The following DNAJC6 variants were observed in gnomAD, a reference collection of about 807,000 sequenced individuals.
The protein encoded by DNAJC6 is DnaJ heat shock protein family (Hsp40) member C6.
A neutral mutation model predicts 110.0 loss-of-function variants in DNAJC6; 34 were observed. The observed-to-expected ratio is 0.31, with a 90% CI of 0.24 to 0.41. The LOEUF (loss-of-function observed/expected upper bound fraction) is 0.41. DNAJC6 is among the 10% of genes least tolerant of loss of function. The pLI is 1.00. For missense variants in DNAJC6, 1,031 were observed against 1,207.8 expected (o/e 0.85, Z 2.17); for synonymous variants, 406 against 437.2 (o/e 0.93, Z 0.89).
chr1:65,272,223 A>G (rs1653529566), intron 1 of DNAJC6, among the ~76,000 whole-genome samples: 1 of 152,228 alleles, frequency 6.6e-6, no homozygotes, highest in Non-Finnish European at 1.5e-5. Flanking sequence ...TAGATTAAGG[A>G]AGTTACCTTC....
chr1:65,379,962 G>C (rs1463931118), intron 5 of DNAJC6, among the ~76,000 whole-genome samples: 1 of 152,176 alleles, frequency 6.6e-6, no homozygotes, highest in Non-Finnish European at 1.5e-5. Context: ...CTGTATTTTA[G>C]AGCATTCCCA....
intron 1 of DNAJC6, among the ~76,000 whole-genome samples, chr1:65,321,403 T>C (rs1645195987): frequency 9.4e-6 from 1 of 106,524 alleles, no homozygotes; most frequent in South Asian, 3.4e-4. Flanking sequence ...AGTCTTGCTA[T>C]GTTGCCCAGG....
chr1:65,342,400 A>G (rs1195202710), intron 1 of DNAJC6, among the ~76,000 whole-genome samples: 1 of 152,164 alleles, frequency 6.6e-6, no homozygotes, highest in Non-Finnish European at 1.5e-5. Context: ...AGGGCCCCAG[A>G]GAACTTGCTT....
chr1:65,356,801 C>T (rs1228752144), intron 1 of DNAJC6, among the ~76,000 whole-genome samples: 1 of 151,964 alleles, frequency 6.6e-6, no homozygotes, highest in African/African-American at 2.4e-5. Context: ...ATGACATACT[C>T]AAGGTCACAC....
intron 1 of DNAJC6, among the ~76,000 whole-genome samples, chr1:65,275,544 T>G (rs1653642358): frequency 1.3e-5 from 2 of 152,302 alleles, no homozygotes; most frequent in South Asian, 4.1e-4. Context: ...GTCCCAGGTG[T>G]GGTTTTCTTT....
chr1:65,386,762 T>G (rs751605496), intron 7 of DNAJC6, 50 bp from the exon 8 acceptor site: 1 of 1,460,956 alleles, frequency 6.8e-7, no homozygotes. Flanking sequence ...TCTGTGTGAT[T>G]GTACCAGATT....
At chr1:65,302,551 C>T (rs931849467) in intron 1 of DNAJC6, among the ~76,000 whole-genome samples, 4 of 91,622 alleles carry the variant, frequency 4.4e-5, no homozygotes, top group African/African-American at 9.1e-5. Flanking sequence ...TTTTTTGAGA[C>T]GGAGTCTCGC....
chr1:65,271,193 C>A (rs1220768537), intron 1 of DNAJC6, among the ~76,000 whole-genome samples: 1 of 144,886 alleles, frequency 6.9e-6, no homozygotes, highest in Non-Finnish European at 1.5e-5. Context: ...AAATCTACTA[C>A]ATTTTGGAAT....
intron 13 of DNAJC6, among the ~76,000 whole-genome samples, chr1:65,397,226 T>C (rs1443195095): frequency 1.3e-5 from 2 of 152,156 alleles, no homozygotes; most frequent in African/African-American, 2.4e-5. Flanking sequence ...CGTCTTCACA[T>C]AGGACAGAAT....
intron 14 of DNAJC6, among the ~76,000 whole-genome samples, chr1:65,401,272 T>G (rs1174432370): frequency 1.3e-5 from 2 of 152,070 alleles, no homozygotes; most frequent in East Asian, 3.9e-4. Flanking sequence ...GATTGTTACC[T>G]TCCCTGAACA....
intron 1 of DNAJC6, chr1:65,279,200 T>C (rs1379846527): frequency 2.0e-6 from 2 of 980,718 alleles, no homozygotes; most frequent in Non-Finnish European, 2.4e-6. Flanking sequence ...TTCTACAACT[T>C]TGGGGGAGGG....
In DNAJC6 at chr1:65,309,686, C is replaced by A; in HGVS notation, c.-60C>A. 6.5e-7 allele frequency: 1 copy of A among 1,529,916 alleles called. No homozygotes were observed. The highest frequency in any genetic ancestry group is 8.8e-7 in the Non-Finnish European group (1 of 1,138,706). The allele number at this position is 1,529,916 out of a possible 1,614,324, so 94.8% of individuals were successfully genotyped here. ...TTAATTCCTTCTTCAGCCCTTTCCA[C>A]CTTCCATCTCCCTTTTCGCTTCCCA... On this transcript the variant is annotated 5_prime_UTR_variant, in exon 1 of 19. Transcript: ENST00000371069.
At chr1:65,315,955 T>G (rs1204605196) in intron 1 of DNAJC6, among the ~76,000 whole-genome samples, 1 of 152,212 alleles carries the variant, frequency 6.6e-6, no homozygotes, top group African/African-American at 2.4e-5. Context: ...AAAGTACAAA[T>G]ATGTTTTCTT....
At chr1:65,360,115 G>T (rs1645583984) in intron 1 of DNAJC6, among the ~76,000 whole-genome samples, 1 of 152,058 alleles carries the variant, frequency 6.6e-6, no homozygotes, top group South Asian at 2.1e-4. Context: ...AAACCTCTCT[G>T]CCCTTTCTCT....
Position 65,364,617 on chromosome 1 carries a change from T to TG in DNAJC6, c.194-18_194-17insG. On this transcript the variant is annotated splice_polypyrimidine_tract_variant and intron_variant, in intron 1 of 18. Transcript: ENST00000371069. ...CCATCACCATTTTTGTTTGTTTGTT[T>TG]TTTTTTTTTTTTGGCAGGTGCCTCA... 9 of 1,235,882 alleles carry TG rather than the reference T, an allele frequency of 7.3e-6. No homozygotes were observed. Among genetic ancestry groups the TG allele is most frequent in the South Asian group, 1.6e-5 (1 of 62,094 alleles). 76.6% of individuals were successfully genotyped at this position (1,235,882 alleles called of 1,614,324 possible).
At chr1:65,349,173 G>T (rs1358974345) in intron 1 of DNAJC6, among the ~76,000 whole-genome samples, 1 of 147,518 alleles carries the variant, frequency 6.8e-6, no homozygotes, top group Non-Finnish European at 1.5e-5. Flanking sequence ...TTTCTCCAGA[G>T]ATTGCAATAT....
At chr1:65,407,633 C>A (rs1329484201) in intron 16 of DNAJC6, among the ~76,000 whole-genome samples, 1 of 152,124 alleles carries the variant, frequency 6.6e-6, no homozygotes, top group Non-Finnish European at 1.5e-5. Flanking sequence ...TGGACAATTC[C>A]ATAGAGTCAT....
intron 1 of DNAJC6, among the ~76,000 whole-genome samples, chr1:65,325,008 T>C (rs1197851139): frequency 6.6e-6 from 1 of 152,202 alleles, no homozygotes; most frequent in African/African-American, 2.4e-5. Flanking sequence ...AAGCTAATGG[T>C]ACTTAGTGGT....
In DNAJC6 at chr1:65,385,833, T is replaced by A. The variant is rs751591535; in HGVS notation, c.922T>A (p.Cys308Ser). Residue 308 changes from cysteine (C) to serine (S), a missense_variant, in exon 7 of 19, where the codon TGT becomes AGT. By Grantham distance (112) the Cys-to-Ser change is moderately radical. Coordinates refer to ENST00000371069, the MANE Select transcript of DNAJC6 (RefSeq NM_001256864.2). ...IPFFNKQRNG[C>S]RPYCDVLIGE... Reference sequence around the variant, plus strand: ...CTTTTTCAACAAACAGAGGAATGGATGTCGCCCTTACTGTGATGTACTCAT... The same window carrying A: ...CTTTTTCAACAAACAGAGGAATGGAAGTCGCCCTTACTGTGATGTACTCAT... 3.1e-6 allele frequency: 5 copies of A among 1,614,020 alleles called. No individual in the cohort carries two copies. In the South Asian group the frequency reaches 4.4e-5, roughly 14 times the overall value.
Sources: allele counts gnomAD v4.1 joint callset (sites outside exome capture counted in the v4.1 genomes callset), GRCh38; gene constraint gnomAD v4.1.1; transcripts MANE v1.5; gene names NCBI Gene and HGNC (gene_info 2026-07-23, HGNC 2026-07-21).